The following APTX variants were observed in gnomAD, a reference collection of about 807,000 sequenced individuals.
APTX encodes the protein aprataxin, also known as forkhead-associated domain histidine triad-like protein.
A neutral mutation model predicts 42.3 loss-of-function variants in APTX; 33 were observed. The observed-to-expected ratio is 0.78, with a 90% CI of 0.59 to 1.04. The LOEUF (loss-of-function observed/expected upper bound fraction) is 1.04, where lower values mean the gene tolerates loss of function less well. Among genes scored for constraint, APTX ranks in the 50% least tolerant of loss-of-function variants. The pLI is 0.00. For synonymous variants in APTX, 130 were observed against 146.7 expected, an observed-to-expected ratio of 0.89 and a Z score of 0.82; for missense variants, 421 against 415.1, an observed-to-expected ratio of 1.01 and a Z score of -0.12.
intron 6 of APTX, among the ~76,000 whole-genome samples, chr9:32,976,797 T>C (rs1046645179): frequency 1.3e-5 from 2 of 152,224 alleles, no homozygotes; most frequent in Non-Finnish European, 2.9e-5. Flanking sequence ...AAGTAAAATC[T>C]ATTAAGTACA....
chr9:32,994,186 C>T (rs1259811918), intron 1 of APTX, among the ~76,000 whole-genome samples: 1 of 152,174 alleles, frequency 6.6e-6, no homozygotes, highest in Non-Finnish European at 1.5e-5. Flanking sequence ...TGTTCTAAAC[C>T]TGAACTGTCC....
At chr9:33,015,503 C>T (rs1807761) in intron 1 of APTX, among the ~76,000 whole-genome samples, 10,707 of 152,080 alleles carry the variant, frequency 0.07, 501 homozygotes, top group Non-Finnish European at 0.11. Context: ...GGATTACAGC[C>T]GCACACCATC....
chr9:32,987,482 A>C, intron 4 of APTX, 62 bp downstream of exon 4: 1 of 1,599,136 alleles, frequency 6.3e-7, no homozygotes. Flanking sequence ...TGTACAAAAC[A>C]ATTAAGCAGT....
In APTX at chr9:32,984,838, A is replaced by G; in HGVS notation, c.563T>C (p.Val188Ala). Residue 188 changes from valine to alanine, a missense_variant, in exon 6 of 8, where the codon GTG becomes GCG. Transcript: ENST00000379817. ...PKMQVYKDEQ[V>A]VVIKDKYPKA... ...TGGGTATTTATCCTTTATCACCACC[A>G]CCTGCTCATCTTTGTAAACCTAGCA... The G allele has an allele frequency of 6.2e-7, 1 of 1,614,120 alleles. No individual in the cohort carries two copies. The highest frequency in any genetic ancestry group is 8.5e-7 in the Non-Finnish European group (1 of 1,179,988).
chr9:33,000,513 A>G (rs1355307146), intron 1 of APTX, among the ~76,000 whole-genome samples: 2 of 151,254 alleles, frequency 1.3e-5, no homozygotes, highest in Non-Finnish European at 2.9e-5. Flanking sequence ...CTGTAATCCC[A>G]GCTCCTTGGG....
chr9:33,001,445 G>C lies in APTX; in HGVS notation c.-5+122C>G, dbSNP rs753594608. 5 of 1,565,554 alleles carry C rather than the reference G, an allele frequency of 3.2e-6. No homozygotes were observed. The East Asian group carries it at 1.2e-4, about 37-fold the overall frequency. ...GAGGACGGAGAAAGCAGCCGTGAGA[G>C]CAGCGCATGAAAGCAGCGTCATTCA... is the stretch of plus-strand genomic sequence containing the variant. On this transcript the variant is annotated intron_variant, in intron 1 of 7. Coordinates refer to ENST00000379817, the MANE Select transcript of APTX (RefSeq NM_001195248.2).
At chr9:33,009,393 T>A (rs571765763) in intron 1 of APTX, among the ~76,000 whole-genome samples, 1 of 152,230 alleles carries the variant, frequency 6.6e-6, no homozygotes, top group East Asian at 1.9e-4. Flanking sequence ...CCCCAATACA[T>A]CAGTATATTG....
chr9:33,012,426 G>C (rs769813542), intron 1 of APTX, among the ~76,000 whole-genome samples: 5 of 152,072 alleles, frequency 3.3e-5, no homozygotes, highest in Non-Finnish European at 5.9e-5. Context: ...CTTCCACATT[G>C]ACTGGACTTG....
chr9:33,013,212 G>GT, intron 1 of APTX, among the ~76,000 whole-genome samples: 1 of 152,246 alleles, frequency 6.6e-6, no homozygotes, highest in Non-Finnish European at 1.5e-5. Context: ...CCTTGTACAT[G>GT]TTAACTCATT....
chr9:32,988,812 A>G (rs1235294623), intron 2 of APTX, among the ~76,000 whole-genome samples: 2 of 152,190 alleles, frequency 1.3e-5, no homozygotes, highest in African/African-American at 4.8e-5. Context: ...AAGATAAAAC[A>G]GTAAAAGACA....
At chr9:32,999,511 A>G (rs113387870) in intron 1 of APTX, among the ~76,000 whole-genome samples, 79 of 152,370 alleles carry the variant, frequency 5.2e-4, no homozygotes, top group African/African-American at 1.8e-3. Context: ...CATAAGTGAC[A>G]GCATAAAATA....
At chr9:33,012,335 C>T (rs1837598722) in intron 1 of APTX, among the ~76,000 whole-genome samples, 1 of 152,014 alleles carries the variant, frequency 6.6e-6, no homozygotes, top group African/African-American at 2.4e-5. Flanking sequence ...GTATACTTAG[C>T]CTTTCTCTCT....
Position 32,988,103 on chromosome 9 carries a change from C to T in APTX, c.160G>A (p.Gly54Arg), listed in dbSNP as rs757431868. The T allele has an allele frequency of 3.7e-6, 6 of 1,613,944 alleles. No individual in the cohort carries two copies. In the African/African-American group the frequency reaches 6.7e-5, roughly 18 times the overall value. The part of the protein sequence containing the change: ...QVQLKAECNK[G>R]YVKVKQVGVN... ...CCTACCTGCTTTACCTTGACATATC[C>T]CTTGTTACACTCTGCTTTCAACTGT... The change falls in exon 3 of 8, where the codon GGA becomes AGA. Residue 54 changes from glycine to arginine, a missense_variant. By Grantham distance (125) the Gly-to-Arg change is moderately radical. Coordinates refer to ENST00000379817, the MANE Select transcript of APTX (RefSeq NM_001195248.2).
chr9:32,988,623 G>C (rs1025512333), intron 2 of APTX, among the ~76,000 whole-genome samples: 2 of 137,512 alleles, frequency 1.5e-5, no homozygotes, highest in African/African-American at 5.4e-5. Flanking sequence ...GGAGGTTGCA[G>C]TGAGTCAAGA....
chr9:33,004,655 T>C (rs183790194), upstream of APTX, among the ~76,000 whole-genome samples: 9,865 of 140,478 alleles, frequency 0.07, 479 homozygotes, highest in Non-Finnish European at 0.11. Flanking sequence ...TTTTTTGAGA[T>C]GGAGTCTCGC....
At chr9:32,985,866 C>T in intron 5 of APTX, 105 bp downstream of exon 5, 1 of 1,072,034 alleles carries the variant, frequency 9.3e-7, no homozygotes, top group Non-Finnish European at 1.4e-6. Context: ...AAATGAATCT[C>T]ATTCAGAAAG....
At chr9:32,993,803 C>G (rs1188519240) in intron 1 of APTX, among the ~76,000 whole-genome samples, 1 of 151,278 alleles carries the variant, frequency 6.6e-6, no homozygotes. Flanking sequence ...ACTGCAAACT[C>G]CACCTCATGG....
chr9:33,009,240 G>A (rs903848622), intron 1 of APTX, among the ~76,000 whole-genome samples: 2 of 152,074 alleles, frequency 1.3e-5, no homozygotes, highest in African/African-American at 2.4e-5. Flanking sequence ...AGATCTTATA[G>A]TGGTCTATCC....
chr9:33,008,550 GA>G (rs1837319721), intron 1 of APTX, among the ~76,000 whole-genome samples: 1 of 133,696 alleles, frequency 7.5e-6, no homozygotes, highest in Admixed American at 7.8e-5. Context: ...TTCTGATTAA[GA>G]TTTTTTTTTT....
Sources: gnomAD v4.1 joint callset for allele counts (sites outside exome capture counted in the v4.1 genomes callset) on GRCh38, gnomAD v4.1.1 for gene constraint, MANE v1.5 for transcripts, NCBI Gene and HGNC (gene_info 2026-07-23, HGNC 2026-07-21) for gene names.